Variants in TRPM1 observed in about 807,000 individuals in gnomAD.
TRPM1 encodes TRPM1-203 APA Isoform, Intron 10.
A neutral mutation model predicts 149.4 loss-of-function variants in TRPM1; 113 were observed. The ratio of observed to expected loss-of-function variants is 0.76; its 90% CI spans 0.65 to 0.88. TRPM1 has a LOEUF of 0.88. TRPM1 is among the 40% of genes least tolerant of loss of function. The pLI, the probability that TRPM1 is intolerant of heterozygous loss-of-function variation, is 0.00. For synonymous variants in TRPM1, 741 were observed against 759.5 expected, an observed-to-expected ratio of 0.98 and a Z score of 0.40; for missense variants, 1,976 against 2,038.7, an observed-to-expected ratio of 0.97 and a Z score of 0.59.
rs1275827922 is a variant in TRPM1 at position 31,001,892 on chromosome 15, A to G, written c.4808T>C (p.Ile1603Thr). Residue 1603 changes from isoleucine to threonine, a missense_variant, in exon 28 of 28, where the codon ATT becomes ACT. Physicochemically the swap from Ile to Thr is moderately conservative, Grantham distance 89. This residue lies in a region of TRPM1 where 572 missense variants were observed against 578.9 expected (regional missense o/e 0.99). Coordinates refer to ENST00000256552, the MANE Select transcript of TRPM1 (RefSeq NM_001252024.2). ...TTCTTCTGCTGTCATTCCAGACACA[A>G]TTACTAAGCTGCTTACACTACTGGC... ...GHASSVSSLV[I>T]VSGMTAEEKK... 9.3e-6 allele frequency: 15 copies of G among 1,613,978 alleles called. No homozygotes were observed. The highest frequency in any genetic ancestry group is 1.2e-5 in the Non-Finnish European group (14 of 1,180,044).
At chr15:31,154,493 T>C (rs1348661169) in intron 1 of TRPM1, among the ~76,000 whole-genome samples, 2 of 152,264 alleles carry the variant, frequency 1.3e-5, no homozygotes, top group African/African-American at 2.4e-5. Flanking sequence ...CAACTCCATC[T>C]TGCTTCTAAC....
chr15:31,021,521 TC>T (rs1328592858), intron 27 of TRPM1, among the ~76,000 whole-genome samples: 1 of 151,712 alleles, frequency 6.6e-6, no homozygotes, highest in African/African-American at 2.4e-5. Flanking sequence ...CATAGTGAGA[TC>T]CTGTATCTAC....
rs372305379 is a variant in TRPM1, at chr15:31,041,967, A to G, written c.2071T>C (p.Leu691=). 3.7e-6 allele frequency: 6 copies of G among 1,614,078 alleles called. No homozygotes were observed. The highest frequency in any genetic ancestry group is 4.2e-6 in the Non-Finnish European group (5 of 1,180,012). The change falls in exon 17 of 28, where the codon TTG becomes CTG. Residue 691 remains leucine (L), a synonymous_variant. Transcript: ENST00000256552. ...SDLVDDISQD[L]DNNSKDFGQL... ...GACACTAACTTGGAATTGTTATCCAAGTCCTGGGAGATGTCATCCACCAGA... is the reference window on the plus strand; with the variant it reads ...GACACTAACTTGGAATTGTTATCCAGGTCCTGGGAGATGTCATCCACCAGA...
At position 31,032,672 on chromosome 15, in the gene TRPM1, A is replaced by T; in HGVS notation, c.2952+17T>A. 2 of 1,614,198 alleles carry T rather than the reference A, an allele frequency of 1.2e-6. No homozygotes were observed. Among genetic ancestry groups the T allele is most frequent in the South Asian group, 1.1e-5 (1 of 91,080 alleles). ...AGCCAAAGTCTCTCTGGATACCCAC[A>T]GGATGCCACTACTAACCATCTTTCC... On this transcript the variant is annotated intron_variant, in intron 22 of 27. Coordinates refer to ENST00000256552, the MANE Select transcript of TRPM1 (RefSeq NM_001252024.2).
rs199544597 is a variant in TRPM1, at chr15:31,063,227, C to T, written c.856G>A (p.Val286Ile). ...GGCTCTTCTTGCAGGTATTCCAAGACGATGGACACCACGTTAGGGCCCCCC... is the reference window on the plus strand; with the variant it reads ...GGCTCTTCTTGCAGGTATTCCAAGATGATGGACACCACGTTAGGGCCCCCC... Reference protein sequence around the residue: ...VEGGPNVVSIVLEYLQEEPPI... With the variant: ...VEGGPNVVSIILEYLQEEPPI... The change falls in exon 8 of 28, where the codon GTC becomes ATC. Residue 286 changes from valine to isoleucine, a missense_variant. Physicochemically the swap from Val to Ile is conservative, Grantham distance 29 (BLOSUM62 3). This residue lies in a region of TRPM1 where 1,332 missense variants were observed against 1,347.1 expected (regional missense o/e 0.99). Coordinates refer to ENST00000256552, the MANE Select transcript of TRPM1 (RefSeq NM_001252024.2). 28 of 1,614,082 alleles carry T rather than the reference C, an allele frequency of 1.7e-5. No homozygotes were observed. The highest frequency in any genetic ancestry group is 1.6e-4 in the Middle Eastern group (1 of 6,084).
At chr15:31,135,132 C>T (rs148763194) in intron 1 of TRPM1, among the ~76,000 whole-genome samples, 1 of 152,204 alleles carries the variant, frequency 6.6e-6, no homozygotes, top group Non-Finnish European at 1.5e-5. Context: ...GGTAAGAACT[C>T]ATGAAGGGTG....
chr15:31,159,421 GC>G (rs1273940892), intron 1 of TRPM1, among the ~76,000 whole-genome samples: 1 of 152,216 alleles, frequency 6.6e-6, no homozygotes, highest in Admixed American at 6.5e-5. Context: ...GTCACGTGGA[GC>G]CACCTGGCCC....
At chr15:31,061,408 G>A (rs1277605680) in intron 10 of TRPM1, 34 bp downstream of exon 10, 1 of 1,605,736 alleles carries the variant, frequency 6.2e-7, no homozygotes, top group Non-Finnish European at 8.5e-7. Flanking sequence ...GCCAACATCA[G>A]AGGGACAGGA....
intron 1 of TRPM1, among the ~76,000 whole-genome samples, chr15:31,121,133 A>T (rs911960272): frequency 2.0e-5 from 3 of 149,822 alleles, no homozygotes; most frequent in African/African-American, 7.4e-5. Context: ...AGGCCAAGGC[A>T]GAGAATTGCT....
chr15:31,117,665 T>TACACACAC (rs56686910), intron 1 of TRPM1, among the ~76,000 whole-genome samples: 163 of 136,006 alleles, frequency 1.2e-3, no homozygotes, highest in Non-Finnish European at 1.2e-3. Flanking sequence ...AAAAAAAAAA[T>TACACACAC]ACACACACAC....
intron 1 of TRPM1, among the ~76,000 whole-genome samples, chr15:31,082,830 G>A (rs932370114): frequency 3.3e-5 from 5 of 152,204 alleles, no homozygotes; most frequent in Admixed American, 6.5e-5. Flanking sequence ...TGAGGGGGCC[G>A]AGGAAGTGTA....
chr15:31,040,353 G>A lies in TRPM1; in HGVS notation c.2088-7C>T. 1 of 1,613,254 alleles carries A rather than the reference G, an allele frequency of 6.2e-7. No individual in the cohort carries two copies. The highest frequency in any genetic ancestry group is 8.5e-7 in the Non-Finnish European group (1 of 1,179,164). The stretch of plus-strand genomic sequence containing the variant: ...AGCAAGCTGGCCGAAGTCTCTGGGG[G>A]GAAAGAGAAGGGACCAGGGTGAAGC... On this transcript the variant is annotated splice_region_variant and splice_polypyrimidine_tract_variant and intron_variant, in intron 17 of 27. Coordinates refer to ENST00000256552, the MANE Select transcript of TRPM1 (RefSeq NM_001252024.2). This position sits in a 1 kb window ranked among gnomAD's most constrained non-coding sequence, Gnocchi z 4.2.
chr15:31,143,917 T>A (rs532969302), intron 1 of TRPM1, among the ~76,000 whole-genome samples: 1 of 152,346 alleles, frequency 6.6e-6, no homozygotes, highest in East Asian at 1.9e-4. Flanking sequence ...ACTTCAATAA[T>A]AATTTGCTCT....
At chr15:31,035,471 T>C in intron 21 of TRPM1, 75 bp downstream of exon 21, 4 of 1,606,242 alleles carry the variant, frequency 2.5e-6, no homozygotes, top group Non-Finnish European at 3.4e-6. Flanking sequence ...GCATGAAACG[T>C]TTTTTCAGTA....
chr15:31,099,213 C>T (rs978750615), intron 1 of TRPM1, among the ~76,000 whole-genome samples: 1 of 152,114 alleles, frequency 6.6e-6, no homozygotes. Flanking sequence ...AGATACTGAC[C>T]CATCAGATAT....
At chr15:31,141,776 T>A (rs974945285) in intron 1 of TRPM1, among the ~76,000 whole-genome samples, 1 of 152,182 alleles carries the variant, frequency 6.6e-6, no homozygotes, top group Non-Finnish European at 1.5e-5. Context: ...ATGAAAGAAA[T>A]TTTGTGTGTG....
chr15:31,047,145 C>G lies in TRPM1; in HGVS notation c.1730G>C (p.Arg577Pro), dbSNP rs773317800. ...YRCNYTRKNF[R>P]TLYNNLFGPK... is the part of the protein sequence containing the mutation. ...TCCAAACAAGTTGTTGTAAAGGGTC[C>G]GAAAGTTTTTCCGAGTGTAGTTGCA... The change falls in exon 15 of 28, where the codon CGG becomes CCG. Residue 577 changes from arginine (R) to proline (P), a missense_variant. This residue lies in a region of TRPM1 where 1,332 missense variants were observed against 1,347.1 expected (regional missense o/e 0.99). Coordinates refer to ENST00000256552, the MANE Select transcript of TRPM1 (RefSeq NM_001252024.2). 6.2e-7 allele frequency: 1 copy of G among 1,614,156 alleles called. No homozygotes were observed. Among genetic ancestry groups the G allele is most frequent in the Non-Finnish European group, 8.5e-7 (1 of 1,180,042 alleles).
At chr15:31,035,884 T>C (rs1302556418) in intron 20 of TRPM1, 2 of 646,260 alleles carry the variant, frequency 3.1e-6, no homozygotes, top group Middle Eastern at 3.7e-4. Flanking sequence ...CAGCACGATA[T>C]GGGCCCTGAC....
intron 1 of TRPM1, among the ~76,000 whole-genome samples, chr15:31,139,644 G>A (rs1445199022): frequency 6.6e-6 from 1 of 152,188 alleles, no homozygotes; most frequent in East Asian, 1.9e-4. Context: ...TGGTAAGTAA[G>A]ACTAGTTTAA....
Sources: allele counts gnomAD v4.1 joint callset (sites outside exome capture counted in the v4.1 genomes callset), GRCh38; gene constraint gnomAD v4.1.1; regional missense constraint gnomAD v4.1.1; non-coding constraint Gnocchi (gnomAD v3.1); transcripts MANE v1.5; gene names NCBI Gene and HGNC (gene_info 2026-07-23, HGNC 2026-07-21).